The following BMPR1B variants were observed in gnomAD, a reference collection of about 807,000 sequenced individuals.
The protein encoded by BMPR1B is bone morphogenetic protein receptor type-1B.
A neutral mutation model predicts 59.1 loss-of-function variants in BMPR1B; 12 were observed. That is an observed-to-expected ratio of 0.20 (90% CI 0.13 to 0.33). The LOEUF is 0.33. BMPR1B is among the 10% of genes least tolerant of loss of function. The pLI, the probability that BMPR1B is intolerant of heterozygous loss-of-function variation, is 1.00. For missense variants in BMPR1B, 550 were observed against 610.9 expected (o/e 0.90, Z 1.05); for synonymous variants, 237 against 207.3 (o/e 1.14, Z -1.23).
chr4:94,835,604 C>A (rs939916620), intron 1 of BMPR1B, among the ~76,000 whole-genome samples: 2 of 151,960 alleles, frequency 1.3e-5, no homozygotes, highest in Non-Finnish European at 2.9e-5. Context: ...GTGAAAGATA[C>A]AATAATATAT....
At chr4:94,923,708 G>A (rs1728784508) in intron 2 of BMPR1B, among the ~76,000 whole-genome samples, 1 of 152,114 alleles carries the variant, frequency 6.6e-6, no homozygotes, top group Non-Finnish European at 1.5e-5. Context: ...AATCAGATGT[G>A]TTCTTGTTGG....
chr4:95,029,903 A>G (rs1201671133), intron 3 of BMPR1B, among the ~76,000 whole-genome samples: 18 of 152,302 alleles, frequency 1.2e-4, no homozygotes, highest in African/African-American at 4.3e-4. Context: ...TTTTGGCTGC[A>G]TAAATGTCTT....
At chr4:94,982,314 CAAAA>C (rs1031925443) in intron 2 of BMPR1B, among the ~76,000 whole-genome samples, 6 of 149,714 alleles carry the variant, frequency 4.0e-5, no homozygotes, top group Non-Finnish European at 7.5e-5. Flanking sequence ...TAAAAAAAAA[CAAAA>C]CAAACAAACC....
intron 2 of BMPR1B, among the ~76,000 whole-genome samples, chr4:94,971,969 A>G (rs542023986): frequency 2.1e-4 from 32 of 151,898 alleles, no homozygotes; most frequent in South Asian, 6.2e-4. Context: ...TTGACATTAC[A>G]TTGTATTTAT....
At chr4:95,142,661 A>G (rs1404356382) in intron 10 of BMPR1B, among the ~76,000 whole-genome samples, 1 of 152,018 alleles carries the variant, frequency 6.6e-6, no homozygotes, top group South Asian at 2.1e-4. Context: ...AGGCTCAATG[A>G]GGTAGAGCCA....
chr4:95,033,708 G>A (rs1282951333), intron 3 of BMPR1B, among the ~76,000 whole-genome samples: 2 of 152,140 alleles, frequency 1.3e-5, no homozygotes, highest in Non-Finnish European at 2.9e-5. Context: ...ACAGAATGGT[G>A]AAACTTAGAG....
intron 2 of BMPR1B, among the ~76,000 whole-genome samples, chr4:94,880,596 ATTAGAGGCGT>A (rs1726920252): frequency 6.7e-6 from 1 of 150,068 alleles, no homozygotes; most frequent in Admixed American, 6.6e-5. Flanking sequence ...AAGTACTGGG[ATTAGAGGCGT>A]GAATCACTGC....
intron 3 of BMPR1B, among the ~76,000 whole-genome samples, chr4:95,074,535 C>T (rs150265062): frequency 1.3e-5 from 2 of 152,092 alleles, no homozygotes; most frequent in East Asian, 1.9e-4. Flanking sequence ...TTTCATTTTT[C>T]GTCATTGTTT....
chr4:94,931,862 A>G (rs1293971453), intron 2 of BMPR1B, among the ~76,000 whole-genome samples: 1 of 151,974 alleles, frequency 6.6e-6, no homozygotes, highest in African/African-American at 2.4e-5. Context: ...TTGTCTGGTC[A>G]ATAGAACCTG....
At chr4:95,015,267 T>C (rs1723507138) in intron 3 of BMPR1B, among the ~76,000 whole-genome samples, 1 of 152,160 alleles carries the variant, frequency 6.6e-6, no homozygotes, top group Non-Finnish European at 1.5e-5. Context: ...GTAGTAAAAA[T>C]TTTCAATCGT....
chr4:94,957,966 AC>A (rs1381695030), intron 2 of BMPR1B, among the ~76,000 whole-genome samples: 1 of 152,134 alleles, frequency 6.6e-6, no homozygotes, highest in Non-Finnish European at 1.5e-5. Context: ...AACTTTGGAA[AC>A]TGACTACTAT....
intron 1 of BMPR1B, among the ~76,000 whole-genome samples, chr4:94,863,143 G>A (rs1173297736): frequency 6.6e-6 from 1 of 151,920 alleles, no homozygotes; most frequent in Non-Finnish European, 1.5e-5. Context: ...TTAATTGAAT[G>A]CTCATGGACA....
intron 2 of BMPR1B, among the ~76,000 whole-genome samples, chr4:94,920,227 A>G (rs1036688404): frequency 1.3e-5 from 2 of 152,224 alleles, no homozygotes; most frequent in African/African-American, 2.4e-5. Flanking sequence ...TACTTTTCCC[A>G]TATGCAAGGA....
chr4:94,981,048 T>C (rs547595730), intron 2 of BMPR1B, among the ~76,000 whole-genome samples: 1 of 149,280 alleles, frequency 6.7e-6, no homozygotes, highest in Non-Finnish European at 1.5e-5. Flanking sequence ...TCATTTTAAC[T>C]CATATACAGT....
intron 1 of BMPR1B, among the ~76,000 whole-genome samples, chr4:94,851,016 A>G (rs1273382005): frequency 1.3e-5 from 2 of 151,526 alleles, no homozygotes; most frequent in African/African-American, 2.4e-5. Context: ...TTAGATAAAT[A>G]AACAGATACT....
intron 1 of BMPR1B, among the ~76,000 whole-genome samples, chr4:94,802,116 A>G (rs1319746205): frequency 6.6e-6 from 1 of 152,152 alleles, no homozygotes; most frequent in African/African-American, 2.4e-5. Flanking sequence ...TTTTGTATTT[A>G]GTTGTAGTAG....
chr4:95,134,850 A>C (rs562577860), intron 10 of BMPR1B, among the ~76,000 whole-genome samples: 1 of 152,116 alleles, frequency 6.6e-6, no homozygotes. Context: ...TGCTGTGCAG[A>C]AGCTCTTTAG....
At chr4:95,041,804 A>T (rs1167506875) in intron 3 of BMPR1B, among the ~76,000 whole-genome samples, 1 of 152,188 alleles carries the variant, frequency 6.6e-6, no homozygotes, top group Non-Finnish European at 1.5e-5. Flanking sequence ...GGATTAAATG[A>T]AATAATCAGA....
At chr4:94,809,812 A>G (rs68105067) in intron 1 of BMPR1B, among the ~76,000 whole-genome samples, 5,319 of 152,374 alleles carry the variant, frequency 0.035, 127 homozygotes, top group Non-Finnish European at 0.058. Flanking sequence ...CAAAACATCT[A>G]TCTGGCCTCT....
Sources: gnomAD v4.1 joint callset for allele counts (sites outside exome capture counted in the v4.1 genomes callset) on GRCh38, gnomAD v4.1.1 for gene constraint, MANE v1.5 for transcripts, NCBI Gene and HGNC (gene_info 2026-07-23, HGNC 2026-07-21) for gene names.